The following ITPR3 variants were observed in gnomAD, a reference collection of about 807,000 sequenced individuals.
ITPR3 encodes the protein inositol 1,4,5-trisphosphate receptor type 3.
In ITPR3, 173 loss-of-function variants were observed where a neutral mutation model predicts 293.2. That is an observed-to-expected ratio of 0.59 (90% CI 0.52 to 0.67). The LOEUF is 0.67. Ranked by LOEUF, ITPR3 falls within the 30% of genes least tolerant of loss-of-function variation. The probability of loss-of-function intolerance (pLI) is 0.00; values close to 1 mark genes in which losing one functional copy is unlikely to be tolerated. For missense variants in ITPR3, 2,796 were observed against 3,592.1 expected (o/e 0.78, Z 5.66); for synonymous variants, 1,295 against 1,444.4 (o/e 0.90, Z 2.35).
At chr6:33,644,306 A>G (rs1764017408) in intron 2 of ITPR3, among the ~76,000 whole-genome samples, 1 of 149,244 alleles carries the variant, frequency 6.7e-6, no homozygotes, top group Non-Finnish European at 1.5e-5. Context: ...TTTTTTAAGT[A>G]GAGATGGGGT....
chr6:33,692,651 G>C lies in ITPR3; in HGVS notation c.7459-77G>C. 3 of 1,450,698 alleles carry C rather than the reference G, an allele frequency of 2.1e-6. No homozygotes were observed. Among genetic ancestry groups the C allele is most frequent in the Non-Finnish European group, 1.9e-6 (2 of 1,050,884 alleles). The allele number at this position is 1,450,698 out of a possible 1,614,324, so 89.9% of individuals were successfully genotyped here. A position where few individuals can be genotyped will look rare whatever the true frequency, so the allele number is the denominator to read the frequency against. On this transcript the variant is annotated intron_variant, in intron 54 of 57. Transcript: ENST00000605930. This position sits in a 1 kb window ranked among gnomAD's most constrained non-coding sequence, Gnocchi z 4.2. ...CTGGGTCCTCAATATCACAGCCCTGGCCCCAACCTGAGTCCTATCTTGCCC... is the reference window on the plus strand; with the variant it reads ...CTGGGTCCTCAATATCACAGCCCTGCCCCCAACCTGAGTCCTATCTTGCCC...
chr6:33,680,149 C>T lies in ITPR3; in HGVS notation c.4224+16C>T. The stretch of plus-strand genomic sequence containing the variant: ...CATCACTGAGGTGGGGATCGGGAGA[C>T]TGGGCAAGACGGCTGGAGATGGGGC... On this transcript the variant is annotated intron_variant, in intron 31 of 57. Transcript: ENST00000605930. The T allele has an allele frequency of 6.2e-7, 1 of 1,607,400 alleles. No individual in the cohort carries two copies. The highest frequency in any genetic ancestry group is 8.5e-7 in the Non-Finnish European group (1 of 1,175,102).
chr6:33,662,222 G>A (rs1026729181), intron 7 of ITPR3, among the ~76,000 whole-genome samples: 1 of 151,984 alleles, frequency 6.6e-6, no homozygotes, highest in African/African-American at 2.4e-5. Flanking sequence ...GAGATGGGCC[G>A]TTAGAGGTTA....
rs987775871 is a variant in ITPR3, at chr6:33,664,338, T to C, written c.1148+458T>C. On this transcript the variant is annotated intron_variant, in intron 11 of 57. Transcript: ENST00000605930. This position sits in a 1 kb window ranked among gnomAD's most constrained non-coding sequence, Gnocchi z 4.4. The stretch of plus-strand genomic sequence containing the variant: ...CCATCATTTTAGTGGGAACATCAAG[T>C]TTCCCTGTCAACAGGGCTAATGGGA... 2.6e-5 allele frequency among the ~76,000 whole-genome samples: 4 copies of C among 152,228 alleles called. No individual in the cohort carries two copies. The highest frequency in any genetic ancestry group is 7.2e-5 in the African/African-American group (3 of 41,456).
At position 33,688,048 on chromosome 6, in the gene ITPR3, C is replaced by A. The variant is rs1301875774; in HGVS notation, c.6265-9C>A. 1.2e-6 allele frequency: 2 copies of A among 1,611,004 alleles called. No individual in the cohort carries two copies. The highest frequency in any genetic ancestry group is 8.5e-7 in the Non-Finnish European group (1 of 1,178,078). ...TGGGGCCTGACCTCCGCGCCCTCCC[C>A]ACCTCCAGCTCAGCCTCAACAACAA... On this transcript the variant is annotated splice_polypyrimidine_tract_variant and intron_variant, in intron 46 of 57. Transcript: ENST00000605930.
chr6:33,623,022 T>C lies in ITPR3; in HGVS notation c.89+1331T>C, dbSNP rs547358997. Among the ~76,000 whole-genome samples, 191 of 152,250 alleles carry C rather than the reference T, an allele frequency of 1.3e-3. 1 individual carries two copies. The highest frequency in any genetic ancestry group is 4.2e-3 in the African/African-American group (176 of 41,546). On this transcript the variant is annotated intron_variant, in intron 1 of 57. Transcript: ENST00000605930. ...TAGATCTAACTTCTTCCCAGCTCCC[T>C]AGAGGATGGGGGTGGAGCCACATCT...
rs913051110 is a variant in ITPR3 at position 33,682,945 on chromosome 6, A to G, written c.4598-262A>G. On this transcript the variant is annotated intron_variant, in intron 34 of 57. Transcript: ENST00000605930. The surrounding 1 kb of genome is among the most constrained non-coding windows in gnomAD (Gnocchi z 5.4). ...GTGGATTGTTAGGGACAGTTGGGGA[A>G]GAAGAGAGGACAGGTGAGAGAGAGG... Among the ~76,000 whole-genome samples, 1 of 152,074 alleles carries G rather than the reference A, an allele frequency of 6.6e-6. No homozygotes were observed. Among genetic ancestry groups the G allele is most frequent in the African/African-American group, 2.4e-5 (1 of 41,388 alleles).
At position 33,691,085 on chromosome 6, in the gene ITPR3, C is replaced by T. The variant is rs370516286; in HGVS notation, c.7201C>T (p.Arg2401Trp). 131 of 1,614,042 alleles carry T rather than the reference C, an allele frequency of 8.1e-5. No individual in the cohort carries two copies. The highest frequency in any genetic ancestry group is 4.1e-4 in the South Asian group (37 of 91,072). The change falls in exon 52 of 58, where the codon CGG becomes TGG. Residue 2401 changes from arginine (R) to tryptophan (W), a missense_variant. Coordinates refer to ENST00000605930, the MANE Select transcript of ITPR3 (RefSeq NM_002224.4). The surrounding 1 kb of genome is among the most constrained non-coding windows in gnomAD (Gnocchi z 4.9). ...GGATGACTTCATTCTCGAGGTCGAC[C>T]GGCTGCCCAACAACCACTCCACAGG... ...LKDDFILEVD[R>W]LPNNHSTASP...
At chr6:33,678,932 C>A in intron 30 of ITPR3, 93 bp downstream of exon 30, 2 of 1,277,028 alleles carry the variant, frequency 1.6e-6, no homozygotes, top group Non-Finnish European at 2.2e-6. Context: ...AGAAGTCAGA[C>A]GGTGGGTCAC....
In ITPR3 at chr6:33,686,219, C is replaced by A; in HGVS notation, c.5834C>A (p.Thr1945Asn). The A allele has an allele frequency of 6.2e-7, 1 of 1,613,890 alleles. No individual in the cohort carries two copies. The highest frequency in any genetic ancestry group is 2.2e-5 in the East Asian group (1 of 44,882). The change falls in exon 42 of 58, where the codon ACT becomes AAT. Residue 1945 changes from threonine to asparagine, a missense_variant. By Grantham distance (65) the Thr-to-Asn change is moderately conservative (BLOSUM62 0). This residue lies in a region of ITPR3 where 704 missense variants were observed against 797.5 expected (regional missense o/e 0.88). Transcript: ENST00000605930. Reference sequence around the variant, plus strand: ...GTCATCCAGACCTTGGAGACCCTCACTGAGTACTGCCAGGGCCCCTGCCAT... The same window carrying A: ...GTCATCCAGACCTTGGAGACCCTCAATGAGTACTGCCAGGGCCCCTGCCAT... ...GLVIQTLETL[T>N]EYCQGPCHEN...
At chr6:33,636,904 C>T (rs1268914447) in intron 1 of ITPR3, among the ~76,000 whole-genome samples, 2 of 152,112 alleles carry the variant, frequency 1.3e-5, no homozygotes, top group East Asian at 3.9e-4. Context: ...GAAAAGGAGA[C>T]AGAGGACCCT....
rs756479164 is a variant in ITPR3 at position 33,682,567 on chromosome 6, G to A, written c.4520G>A (p.Arg1507His). Reference sequence around the variant, plus strand: ...GTGCAGCTGCTGCAGTCTACCACACGCCTCCTCGAGTGTCCGTGGCTACAG... The same window carrying A: ...GTGCAGCTGCTGCAGTCTACCACACACCTCCTCGAGTGTCCGTGGCTACAG... ...IVVQLLQSTT[R>H]LLECPWLQQQ... is the part of the protein sequence containing the mutation. The change falls in exon 34 of 58, where the codon CGC becomes CAC. Residue 1507 changes from arginine (R) to histidine (H), a missense_variant. Coordinates refer to ENST00000605930, the MANE Select transcript of ITPR3 (RefSeq NM_002224.4). This position sits in a 1 kb window ranked among gnomAD's most constrained non-coding sequence, Gnocchi z 5.4. The A allele has an allele frequency of 5.7e-6, 9 of 1,583,928 alleles. No homozygotes were observed. Among genetic ancestry groups the A allele is most frequent in the East Asian group, 2.4e-5 (1 of 41,996 alleles).
At position 33,679,852 on chromosome 6, in the gene ITPR3, A is replaced by T. The variant is rs140764839; in HGVS notation, c.3973-30A>T. The T allele has an allele frequency of 1.6e-5, 25 of 1,593,220 alleles. No homozygotes were observed. The Admixed American group carries it at 2.7e-4, about 17-fold the overall frequency. Reference sequence around the variant, plus strand: ...AGCCCAGGGCTTGCTGGACCGAGAGAGTGTGACACGTGCCCCCTCCCACCC... The same window carrying T: ...AGCCCAGGGCTTGCTGGACCGAGAGTGTGTGACACGTGCCCCCTCCCACCC... On this transcript the variant is annotated intron_variant, in intron 30 of 57. Coordinates refer to ENST00000605930, the MANE Select transcript of ITPR3 (RefSeq NM_002224.4). The surrounding 1 kb of genome is among the most constrained non-coding windows in gnomAD (Gnocchi z 4.2).
At chr6:33,663,329 C>T (rs955359264) in intron 9 of ITPR3, among the ~76,000 whole-genome samples, 171 bp from the exon 10 acceptor site, 9 of 152,170 alleles carry the variant, frequency 5.9e-5, no homozygotes, top group African/African-American at 2.2e-4. Flanking sequence ...ATTTGTGGTT[C>T]TATGGAGAGG....
Position 33,692,990 on chromosome 6 carries a change from ACCCTGG to A in ITPR3, c.7624+101_7624+106del. 7.8e-7 allele frequency: 1 copy of A among 1,284,286 alleles called. No homozygotes were observed. Among genetic ancestry groups the A allele is most frequent in the Non-Finnish European group, 1.1e-6 (1 of 917,480 alleles). 79.6% of individuals were successfully genotyped at this position (1,284,286 alleles called of 1,614,324 possible). On this transcript the variant is annotated intron_variant, in intron 55 of 57. Coordinates refer to ENST00000605930, the MANE Select transcript of ITPR3 (RefSeq NM_002224.4). The surrounding 1 kb of genome is among the most constrained non-coding windows in gnomAD (Gnocchi z 4.2). ...GGTTTGGCCCTTCCTGCCCTGGGGA[ACCCTGG>A]CCCGGAGCTGATGACTTGATGCATT...
At position 33,666,748 on chromosome 6, in the gene ITPR3, AT is replaced by A. The variant is rs1764619549; in HGVS notation, c.1552-377del. Among the ~76,000 whole-genome samples, 1 of 151,968 alleles carries A rather than the reference AT, an allele frequency of 6.6e-6. No homozygotes were observed. Among genetic ancestry groups the A allele is most frequent in the African/African-American group, 2.4e-5 (1 of 41,350 alleles). ...TAAAACATTTTTGTAATTATGTAAC[AT>A]TTTACTTTGACAAGGCAGGCCTGTG... On this transcript the variant is annotated intron_variant, in intron 14 of 57. Coordinates refer to ENST00000605930, the MANE Select transcript of ITPR3 (RefSeq NM_002224.4). The surrounding 1 kb of genome is among the most constrained non-coding windows in gnomAD (Gnocchi z 5.1).
intron 56 of ITPR3, chr6:33,694,519 C>T (rs1053281282): frequency 4.4e-5 from 11 of 251,770 alleles, no homozygotes; most frequent in South Asian, 2.0e-4. Flanking sequence ...GTCTGACTCG[C>T]GTCTTCCCGG....
At chr6:33,693,755 G>A (rs1030537742) in intron 56 of ITPR3, 50 bp downstream of exon 56, 3 of 1,599,272 alleles carry the variant, frequency 1.9e-6, no homozygotes, top group Non-Finnish European at 2.6e-6. Flanking sequence ...AGCCATTCTA[G>A]AGTCATCACT....
At position 33,667,729 on chromosome 6, in the gene ITPR3, G is replaced by A. The variant is rs1764648321; in HGVS notation, c.1714-63G>A. On this transcript the variant is annotated intron_variant, in intron 15 of 57. Transcript: ENST00000605930. The surrounding 1 kb of genome is among the most constrained non-coding windows in gnomAD (Gnocchi z 4.4). ...CGGGGTTTGGGGGCAGCGTTCCAGA[G>A]CAGAGCTGGGCCCTTGGCCCACCTG... 1 of 1,582,658 alleles carries A rather than the reference G, an allele frequency of 6.3e-7. No individual in the cohort carries two copies.
Sources: allele counts gnomAD v4.1 joint callset (sites outside exome capture counted in the v4.1 genomes callset), GRCh38; gene constraint gnomAD v4.1.1; regional missense constraint gnomAD v4.1.1; non-coding constraint Gnocchi (gnomAD v3.1); transcripts MANE v1.5; gene names NCBI Gene and HGNC (gene_info 2026-07-23, HGNC 2026-07-21).